Variants in RABGEF1 observed in about 807,000 individuals in gnomAD.
RABGEF1 encodes rab5 GDP/GTP exchange factor.
RABGEF1 carries 26 observed loss-of-function variants against 57.3 expected under a neutral mutation model. The ratio of observed to expected loss-of-function variants is 0.45; its 90% CI spans 0.33 to 0.63. RABGEF1 has a LOEUF of 0.63. Among genes scored for constraint, RABGEF1 ranks in the 20% least tolerant of loss-of-function variants. The pLI is 0.02. For synonymous variants in RABGEF1, 185 were observed against 210.7 expected, an observed-to-expected ratio of 0.88 and a Z score of 1.06; for missense variants, 464 against 607.6, an observed-to-expected ratio of 0.76 and a Z score of 2.48.
chr7:66,744,759 G>T (rs1799817907), intron 1 of RABGEF1, among the ~76,000 whole-genome samples: 1 of 149,862 alleles, frequency 6.7e-6, no homozygotes, highest in Non-Finnish European at 1.5e-5. Context: ...TGGCTAATTT[G>T]TAAACAGGAA....
intron 1 of RABGEF1, among the ~76,000 whole-genome samples, chr7:66,763,602 T>G (rs879577392): frequency 6.6e-6 from 1 of 152,244 alleles, no homozygotes; most frequent in Non-Finnish European, 1.5e-5. Flanking sequence ...CACAGCCAAC[T>G]TTAGAACATT....
At chr7:66,774,942 T>C (rs1176582275) in intron 2 of RABGEF1, among the ~76,000 whole-genome samples, 1 of 152,198 alleles carries the variant, frequency 6.6e-6, no homozygotes, top group Non-Finnish European at 1.5e-5. Flanking sequence ...ACTTACCTTT[T>C]TGTCTGTTCC....
intron 1 of RABGEF1, among the ~76,000 whole-genome samples, chr7:66,688,249 C>T (rs1344675054): frequency 6.6e-6 from 1 of 151,962 alleles, no homozygotes; most frequent in African/African-American, 2.4e-5. Flanking sequence ...ATATATGCAC[C>T]TAACAACAGA....
rs143109430 is a variant in RABGEF1 at position 66,761,930 on chromosome 7, A to G, written c.-17-9953A>G. ...GCTGGGCATGGTGGCAGGCACCTAT[A>G]GTACCAGTTACTTGGGAAGCCGAGG... On this transcript the variant is annotated intron_variant, in intron 1 of 8. Coordinates refer to ENST00000284957, the MANE Select transcript of RABGEF1 (RefSeq NM_014504.3). Among the ~76,000 whole-genome samples, 167 of 152,190 alleles carry G rather than the reference A, an allele frequency of 1.1e-3. 3 individuals carry two copies. The East Asian group carries it at 0.022, about 20-fold the overall frequency.
chr7:66,672,616 A>C, the RABGEF1 span, among the ~76,000 whole-genome samples: 5 of 152,254 alleles, frequency 3.3e-5, no homozygotes, highest in East Asian at 9.7e-4. Context: ...ACCCCTAGCC[A>C]TGTCCTTTTC....
At chr7:66,662,050 C>T in the RABGEF1 span, among the ~76,000 whole-genome samples, 1 of 151,976 alleles carries the variant, frequency 6.6e-6, no homozygotes, top group Non-Finnish European at 1.5e-5. Flanking sequence ...GAGATTGAGA[C>T]CACGGTGAAA....
chr7:66,806,642 T>C (rs1308516793), intron 8 of RABGEF1, among the ~76,000 whole-genome samples: 2 of 121,894 alleles, frequency 1.6e-5, no homozygotes, highest in Admixed American at 1.5e-4. Flanking sequence ...CATATATCCT[T>C]TTTTTTTTTT....
At chr7:66,774,357 C>T (rs28560293) in intron 2 of RABGEF1, among the ~76,000 whole-genome samples, 18,177 of 152,232 alleles carry the variant, frequency 0.12, 1,269 homozygotes, top group East Asian at 0.2. Context: ...TTCTAAAGTA[C>T]AGATCTGACA....
Position 66,745,460 on chromosome 7 carries a change from C to A in RABGEF1, c.-18+4668C>A, listed in dbSNP as rs76672975. On this transcript the variant is annotated intron_variant, in intron 1 of 8. Transcript: ENST00000284957. ...GGTACCAAGTGAGTGGCTTCTTAGC[C>A]CATCAGTAAAGTTATCACACCATAG... Among the ~76,000 whole-genome samples the A allele has an allele frequency of 8.7e-3, 1,322 of 151,964 alleles. 7 individuals are homozygous for A. Among genetic ancestry groups the A allele is most frequent in the Admixed American group, 0.013 (204 of 15,264 alleles).
chr7:66,763,253 A>C (rs186106386), intron 1 of RABGEF1, among the ~76,000 whole-genome samples: 9 of 152,362 alleles, frequency 5.9e-5, no homozygotes, highest in Non-Finnish European at 1.2e-4. Context: ...AGGAGGTCAG[A>C]ATTAAGCATC....
chr7:66,794,835 G>T (rs529287252), intron 4 of RABGEF1, among the ~76,000 whole-genome samples: 1 of 152,228 alleles, frequency 6.6e-6, no homozygotes, highest in African/African-American at 2.4e-5. Context: ...AGTGGTAGAG[G>T]AGAGTCGAAG....
At chr7:66,660,956 T>A in the RABGEF1 span, among the ~76,000 whole-genome samples, 1 of 152,120 alleles carries the variant, frequency 6.6e-6, no homozygotes, top group Non-Finnish European at 1.5e-5. Context: ...TTGGGCACAG[T>A]GGCTCATGCT....
intron 2 of RABGEF1, among the ~76,000 whole-genome samples, chr7:66,731,979 G>A (rs576862541): frequency 2.0e-5 from 3 of 152,334 alleles, no homozygotes; most frequent in South Asian, 2.1e-4. Context: ...AAGGCTGGAC[G>A]ATGATCTGGG....
chr7:66,760,702 A>G (rs1804100351), intron 1 of RABGEF1, among the ~76,000 whole-genome samples: 2 of 152,116 alleles, frequency 1.3e-5, no homozygotes. Context: ...TCAGCCTCCC[A>G]AAGTGCTGGG....
chr7:66,667,071 C>T, the RABGEF1 span, among the ~76,000 whole-genome samples: 17 of 152,206 alleles, frequency 1.1e-4, no homozygotes. Flanking sequence ...CAATTGTCTC[C>T]TCCAAGGCTC....
intron 1 of RABGEF1, among the ~76,000 whole-genome samples, chr7:66,750,844 G>A (rs1801232108): frequency 6.6e-6 from 1 of 152,116 alleles, no homozygotes; most frequent in African/African-American, 2.4e-5. Context: ...TTCAGCAGAC[G>A]CTTTATGTGT....
At chr7:66,703,799 T>G (rs1432502442) in intron 1 of RABGEF1, among the ~76,000 whole-genome samples, 1 of 152,210 alleles carries the variant, frequency 6.6e-6, no homozygotes, top group Non-Finnish European at 1.5e-5. Flanking sequence ...CATTTGAACT[T>G]TAGGATAAAC....
At chr7:66,797,041 T>C in intron 5 of RABGEF1, 1 of 366,322 alleles carries the variant, frequency 2.7e-6, no homozygotes, top group South Asian at 2.1e-5. Flanking sequence ...GGCTCACACC[T>C]ATAAACCTAG....
At chr7:66,781,094 A>C (rs932325009) in intron 3 of RABGEF1, among the ~76,000 whole-genome samples, 2 of 151,636 alleles carry the variant, frequency 1.3e-5, no homozygotes, top group African/African-American at 4.9e-5. Context: ...ATTTATCCCA[A>C]CTTGTCTTAG....
Sources: gnomAD v4.1 joint callset for allele counts (sites outside exome capture counted in the v4.1 genomes callset) on GRCh38, gnomAD v4.1.1 for gene constraint, MANE v1.5 for transcripts, NCBI Gene and HGNC (gene_info 2026-07-23, HGNC 2026-07-21) for gene names.